Variants in EXOC1 observed in about 807,000 individuals in gnomAD.
EXOC1 encodes the protein SEC3-like 1.
In EXOC1, 67 loss-of-function variants were observed where a neutral mutation model predicts 107.7. The ratio of observed to expected loss-of-function variants is 0.62; its 90% CI spans 0.51 to 0.76. EXOC1 has a LOEUF of 0.76. EXOC1 is among the 30% of genes least tolerant of loss of function. EXOC1 has a pLI of 0.00. For missense variants in EXOC1, 833 were observed against 1,055.7 expected (o/e 0.79, Z 2.92); for synonymous variants, 348 against 353.5 (o/e 0.98, Z 0.17).
At chr4:55,876,791 A>G in intron 8 of EXOC1, 4 of 984,330 alleles carry the variant, frequency 4.1e-6, no homozygotes, top group Non-Finnish European at 4.8e-6. Flanking sequence ...TTTTATATGT[A>G]ATTTCTGTAT....
At chr4:55,882,405 C>T (rs1053134716) in intron 9 of EXOC1, among the ~76,000 whole-genome samples, 2 of 152,104 alleles carry the variant, frequency 1.3e-5, no homozygotes, top group African/African-American at 4.8e-5. Flanking sequence ...TTCCTGTGGT[C>T]TTTCCTATCA....
intron 5 of EXOC1, among the ~76,000 whole-genome samples, chr4:55,870,326 G>A (rs1352311782): frequency 6.6e-6 from 1 of 152,220 alleles, no homozygotes; most frequent in Non-Finnish European, 1.5e-5. Flanking sequence ...ATGGCCTAAT[G>A]CCTCCTAAAT....
chr4:55,854,192 C>T (rs1454608086), intron 1 of EXOC1, among the ~76,000 whole-genome samples: 2 of 143,144 alleles, frequency 1.4e-5, no homozygotes, highest in Admixed American at 7.0e-5. Context: ...CAACTCCCCC[C>T]CACCCCCCGC....
intron 15 of EXOC1, among the ~76,000 whole-genome samples, chr4:55,894,754 C>G (rs1447522718): frequency 6.6e-6 from 1 of 151,210 alleles, no homozygotes; most frequent in Non-Finnish European, 1.5e-5. Flanking sequence ...TCCCGAGTAG[C>G]TGGGATTGCA....
chr4:55,874,249 A>C (rs1187839012), intron 8 of EXOC1, among the ~76,000 whole-genome samples: 1 of 152,216 alleles, frequency 6.6e-6, no homozygotes, highest in Non-Finnish European at 1.5e-5. Context: ...ACAATATAAC[A>C]GTAATTTCAA....
intron 9 of EXOC1, among the ~76,000 whole-genome samples, chr4:55,881,850 GAT>G (rs147842549): frequency 0.046 from 6,938 of 152,176 alleles, 448 homozygotes; most frequent in Admixed American, 0.17. Flanking sequence ...GGGGCCCCAA[GAT>G]TTATTTTCCT....
At chr4:55,854,846 C>T (rs569896639) in intron 1 of EXOC1, among the ~76,000 whole-genome samples, 1 of 152,298 alleles carries the variant, frequency 6.6e-6, no homozygotes, top group South Asian at 2.1e-4. Flanking sequence ...TAAGTATCCA[C>T]TAAACACAAA....
intron 8 of EXOC1, 152 bp from the exon 9 acceptor site, chr4:55,877,765 T>C: frequency 7.0e-7 from 1 of 1,435,038 alleles, no homozygotes; most frequent in Non-Finnish European, 9.1e-7. Context: ...TGTGTAAGTA[T>C]TTGGTTTTTA....
At chr4:55,868,699 C>T in intron 5 of EXOC1, 176 bp downstream of exon 5, 2 of 493,734 alleles carry the variant, frequency 4.1e-6, no homozygotes, top group South Asian at 4.9e-5. Flanking sequence ...AAAAGATGAA[C>T]TATTCCTGTT....
chr4:55,893,795 T>A lies in EXOC1; in HGVS notation c.1953+15T>A. 1 of 1,595,576 alleles carries A rather than the reference T, an allele frequency of 6.3e-7. No homozygotes were observed. Among genetic ancestry groups the A allele is most frequent in the South Asian group, 1.1e-5 (1 of 89,036 alleles). On this transcript the variant is annotated intron_variant, in intron 15 of 18. Transcript: ENST00000381295. ...ACAAATGCATTGTAAGTTTTCTTTTTTAAAAAAATACCTTAGCATCCTAGT... is the reference window on the plus strand; with the variant it reads ...ACAAATGCATTGTAAGTTTTCTTTTATAAAAAAATACCTTAGCATCCTAGT...
At chr4:55,868,563 T>G in intron 5 of EXOC1, 40 bp downstream of exon 5, 1 of 1,573,244 alleles carries the variant, frequency 6.4e-7, no homozygotes, top group Non-Finnish European at 8.7e-7. Context: ...TGATGTATAG[T>G]GGATTGAGAA....
chr4:55,860,326 C>T, intron 2 of EXOC1, 85 bp from the exon 3 acceptor site: 1 of 1,541,988 alleles, frequency 6.5e-7, no homozygotes, highest in South Asian at 1.2e-5. Context: ...CTACTAGGCA[C>T]CTGAAAGCTA....
intron 10 of EXOC1, among the ~76,000 whole-genome samples, chr4:55,887,211 C>T (rs1004874278): frequency 2.0e-5 from 3 of 151,912 alleles, no homozygotes; most frequent in Non-Finnish European, 4.4e-5. Context: ...TTTACATAAT[C>T]ATTGCCCTCC....
chr4:55,901,208 A>G (rs1043814109), intron 17 of EXOC1, among the ~76,000 whole-genome samples: 1 of 152,250 alleles, frequency 6.6e-6, no homozygotes, highest in African/African-American at 2.4e-5. Context: ...CACCACCTGT[A>G]TATGATATGT....
chr4:55,881,426 T>C (rs1723368312), intron 9 of EXOC1, among the ~76,000 whole-genome samples: 1 of 152,098 alleles, frequency 6.6e-6, no homozygotes, highest in East Asian at 1.9e-4. Flanking sequence ...TGAGACAAGA[T>C]CTCAGTCAAT....
At chr4:55,881,850 G>T (rs1723410169) in intron 9 of EXOC1, among the ~76,000 whole-genome samples, 1 of 152,080 alleles carries the variant, frequency 6.6e-6, no homozygotes, top group South Asian at 2.1e-4. Context: ...GGGGCCCCAA[G>T]ATTTATTTTC....
intron 10 of EXOC1, among the ~76,000 whole-genome samples, chr4:55,884,262 G>A (rs1723670529): frequency 6.6e-6 from 1 of 152,262 alleles, no homozygotes; most frequent in Admixed American, 6.5e-5. Context: ...GATGTTGGGA[G>A]TTCAGTTTAA....
chr4:55,860,673 T>A (rs11734942), intron 3 of EXOC1, 132 bp downstream of exon 3: 86,631 of 1,072,412 alleles, frequency 0.081, 3,610 homozygotes, highest in Non-Finnish European at 0.096. Context: ...TTGCTTTTTT[T>A]AAGCTATAAT....
At chr4:55,862,950 G>C (rs774998425) in intron 3 of EXOC1, among the ~76,000 whole-genome samples, 1 of 152,066 alleles carries the variant, frequency 6.6e-6, no homozygotes, top group Non-Finnish European at 1.5e-5. Context: ...ACCCAGGCTG[G>C]AGTGCGGTGG....
Sources: gnomAD v4.1 joint callset for allele counts (sites outside exome capture counted in the v4.1 genomes callset) on GRCh38, gnomAD v4.1.1 for gene constraint, MANE v1.5 for transcripts, NCBI Gene and HGNC (gene_info 2026-07-23, HGNC 2026-07-21) for gene names.